MAGI3: variants seen among roughly 807,000 people sequenced by gnomAD.
MAGI3 encodes membrane-associated guanylate kinase, WW and PDZ domain-containing protein 3.
A neutral mutation model predicts 121.8 loss-of-function variants in MAGI3; 43 were observed. That is an observed-to-expected ratio of 0.35 (90% CI 0.28 to 0.46). The LOEUF (loss-of-function observed/expected upper bound fraction) is 0.46. MAGI3 is among the 20% of genes least tolerant of loss of function. The probability of loss-of-function intolerance (pLI) is 1.00; values close to 1 mark genes in which losing one functional copy is unlikely to be tolerated. For synonymous variants in MAGI3, 553 were observed against 639.3 expected, an observed-to-expected ratio of 0.86 and a Z score of 2.04; for missense variants, 1,547 against 1,797.3, an observed-to-expected ratio of 0.86 and a Z score of 2.52.
intron 12 of MAGI3, among the ~76,000 whole-genome samples, chr1:113,648,353 CATT>C (rs1306161154): frequency 6.6e-6 from 1 of 151,740 alleles, no homozygotes; most frequent in African/African-American, 2.4e-5. Flanking sequence ...CTATAAATAA[CATT>C]AATATTTTCC....
intron 6 of MAGI3, among the ~76,000 whole-genome samples, 154 bp from the exon 7 acceptor site, chr1:113,614,447 C>T (rs1650335869): frequency 2.0e-5 from 3 of 152,110 alleles, no homozygotes; most frequent in Admixed American, 2.0e-4. Context: ...GTGAAGAAGC[C>T]ACTCAGACTT....
intron 6 of MAGI3, among the ~76,000 whole-genome samples, chr1:113,612,930 G>C (rs1650246099): frequency 6.6e-6 from 1 of 151,980 alleles, no homozygotes; most frequent in Non-Finnish European, 1.5e-5. Context: ...CTTCTCTAAA[G>C]ACAAAACATA....
At chr1:113,519,824 A>G (rs1658089333) in intron 1 of MAGI3, among the ~76,000 whole-genome samples, 3 of 152,234 alleles carry the variant, frequency 2.0e-5, no homozygotes, top group Admixed American at 2.0e-4. Context: ...TCCCAAAGAA[A>G]AGTAAACCAT....
intron 1 of MAGI3, among the ~76,000 whole-genome samples, chr1:113,401,080 A>T (rs573579791): frequency 6.6e-6 from 1 of 152,226 alleles, no homozygotes; most frequent in South Asian, 2.1e-4. Context: ...ATATATTTTT[A>T]TTCTCTATGA....
Position 113,642,455 on chromosome 1 carries a change from G to A in MAGI3, c.1905G>A (p.Val635=), listed in dbSNP as rs1652601075. The A allele has an allele frequency of 6.2e-7, 1 of 1,614,056 alleles. No individual in the cohort carries two copies. Among genetic ancestry groups the A allele is most frequent in the African/African-American group, 1.3e-5 (1 of 75,036 alleles). The part of the protein sequence containing the change: ...QNVQNLTHLQ[V]VEVLKQFPVG... ...TGCAGAATTTAACACATCTCCAAGT[G>A]GTAGAGGTGCTAAAGCAGTTTCCAG... The change falls in exon 10 of 21, where the codon GTG becomes GTA. Residue 635 remains valine, a synonymous_variant. Coordinates refer to ENST00000307546, the MANE Select transcript of MAGI3 (RefSeq NM_001142782.2).
Position 113,626,053 on chromosome 1 carries a change from C to G in MAGI3, c.1360+3059C>G, listed in dbSNP as rs1651218387. Among the ~76,000 whole-genome samples, 3 of 152,160 alleles carry G rather than the reference C, an allele frequency of 2.0e-5. No individual in the cohort carries two copies. In the South Asian group the frequency reaches 6.2e-4, roughly 31 times the overall value. ...TGATCTCAGCTCACTGCAACCCCCA[C>G]CTCCTGGGTTCAAGTGATTCTCCTG... On this transcript the variant is annotated intron_variant, in intron 9 of 20. Transcript: ENST00000307546.
intron 1 of MAGI3, among the ~76,000 whole-genome samples, chr1:113,419,031 A>G (rs1199009107): frequency 6.6e-6 from 1 of 152,184 alleles, no homozygotes; most frequent in Non-Finnish European, 1.5e-5. Context: ...AATATTTTGT[A>G]AAAACATTTG....
At chr1:113,442,273 A>T (rs1481536124) in intron 1 of MAGI3, among the ~76,000 whole-genome samples, 1 of 152,212 alleles carries the variant, frequency 6.6e-6, no homozygotes, top group African/African-American at 2.4e-5. Context: ...TGAGAAGCAG[A>T]TGTTGTATGA....
intron 5 of MAGI3, among the ~76,000 whole-genome samples, chr1:113,592,978 C>T (rs1397112280): frequency 6.6e-6 from 1 of 152,184 alleles, no homozygotes; most frequent in Non-Finnish European, 1.5e-5. Context: ...GGCCACTGCA[C>T]TCCAGCCTCT....
At chr1:113,469,983 T>G (rs182696668) in intron 1 of MAGI3, among the ~76,000 whole-genome samples, 8 of 152,284 alleles carry the variant, frequency 5.3e-5, no homozygotes, top group Admixed American at 2.6e-4. Flanking sequence ...TATGCTAAGT[T>G]TATCTGTTTT....
At chr1:113,589,852 G>C (rs945812379) in intron 4 of MAGI3, among the ~76,000 whole-genome samples, 1 of 152,018 alleles carries the variant, frequency 6.6e-6, no homozygotes, top group Non-Finnish European at 1.5e-5. Context: ...ACTCTAAAAG[G>C]ATTTTAATAT....
chr1:113,422,994 T>C lies in MAGI3; in HGVS notation c.316+31645T>C, dbSNP rs1257378116. On this transcript the variant is annotated intron_variant, in intron 1 of 20. Transcript: ENST00000307546. The surrounding 1 kb of genome is among the most constrained non-coding windows in gnomAD (Gnocchi z 4.3). ...CAGAAGGGTTGCCACCCTTCACTTC[T>C]GCAGTCTGAGAGTATGTCACTGCCC... Among the ~76,000 whole-genome samples the C allele has an allele frequency of 1.3e-5, 2 of 152,136 alleles. No homozygotes were observed. The highest frequency in any genetic ancestry group is 2.9e-5 in the Non-Finnish European group (2 of 68,024).
At chr1:113,493,789 A>G (rs1207348928) in intron 1 of MAGI3, among the ~76,000 whole-genome samples, 1 of 152,220 alleles carries the variant, frequency 6.6e-6, no homozygotes, top group African/African-American at 2.4e-5. Context: ...ACTAATTACT[A>G]GAGAAGTGCA....
intron 2 of MAGI3, among the ~76,000 whole-genome samples, chr1:113,553,528 G>A (rs1383310966): frequency 1.3e-5 from 2 of 152,168 alleles, no homozygotes; most frequent in Non-Finnish European, 2.9e-5. Context: ...GTTCTAATCA[G>A]CTTGGTGGAA....
intron 1 of MAGI3, among the ~76,000 whole-genome samples, chr1:113,539,632 C>A (rs573019549): frequency 6.6e-6 from 1 of 151,894 alleles, no homozygotes; most frequent in South Asian, 2.1e-4. Flanking sequence ...CATGCCGGTG[C>A]GCTGCACCCA....
chr1:113,611,951 A>ATTTTTTTATTTT (rs370809918), intron 6 of MAGI3, among the ~76,000 whole-genome samples: 1 of 150,704 alleles, frequency 6.6e-6, no homozygotes, highest in Admixed American at 6.6e-5. Flanking sequence ...TTATTTATTT[A>ATTTTTTTATTTT]TTTATTTATT....
chr1:113,451,135 G>C (rs1654463544), intron 1 of MAGI3, among the ~76,000 whole-genome samples: 1 of 152,114 alleles, frequency 6.6e-6, no homozygotes, highest in African/African-American at 2.4e-5. Flanking sequence ...AAATTTTTCA[G>C]TATATCTGCA....
rs541328057 is a variant in MAGI3, at chr1:113,509,245, AT to A, written c.317-40269del. Among the ~76,000 whole-genome samples the A allele has an allele frequency of 1.3e-4, 20 of 152,254 alleles. No individual in the cohort carries two copies. In the East Asian group the frequency reaches 3.5e-3, roughly 26 times the overall value. ...AAAAAACCCCACTAACAACCCTAAA[AT>A]GAATGACTCCGTAGTTATTTTTACC... On this transcript the variant is annotated intron_variant, in intron 1 of 20. Transcript: ENST00000307546.
chr1:113,614,907 A>G (rs1650364982), intron 7 of MAGI3, among the ~76,000 whole-genome samples: 2 of 152,140 alleles, frequency 1.3e-5, no homozygotes, highest in South Asian at 4.1e-4. Context: ...TAGAGATGGT[A>G]TTGTTACTAC....
Sources: gnomAD v4.1 joint callset for allele counts (sites outside exome capture counted in the v4.1 genomes callset) on GRCh38, gnomAD v4.1.1 for gene constraint, Gnocchi (gnomAD v3.1) non-coding constraint, MANE v1.5 for transcripts, NCBI Gene and HGNC (gene_info 2026-07-23, HGNC 2026-07-21) for gene names.